ADAMDEC1: variants seen among roughly 807,000 people sequenced by gnomAD.
The protein encoded by ADAMDEC1 is ADAM DEC1.
In ADAMDEC1, 62 loss-of-function variants were observed where a neutral mutation model predicts 60.4. The ratio of observed to expected loss-of-function variants is 1.03; its 90% confidence interval spans 0.84 to 1.27. The LOEUF (loss-of-function observed/expected upper bound fraction) is 1.27. Ranked by LOEUF, ADAMDEC1 falls within the 50% of genes most tolerant of loss-of-function variation. ADAMDEC1 has a pLI of 0.00. For missense variants in ADAMDEC1, 595 were observed against 565.0 expected (o/e 1.05, Z -0.54); for synonymous variants, 210 against 195.1 (o/e 1.08, Z -0.64).
At chr8:24,401,891 A>G in intron 11 of ADAMDEC1, 24 bp from the exon 12 acceptor site, 1 of 1,580,168 alleles carries the variant, frequency 6.3e-7, no homozygotes, top group Non-Finnish European at 8.6e-7. Context: ...ATATCATATT[A>G]TTTGAGTTTT....
chr8:24,392,282 C>A lies in ADAMDEC1; in HGVS notation c.109C>A (p.Pro37Thr), dbSNP rs1235070822. ...QTQAIAIKQT[P>T]ELTLHEIVCP... is the part of the protein sequence containing the mutation. ...TCTAGCAATAGCCATAAAGCAAACA[C>A]CTGAATTAACGCTCCATGAAATAGT... Residue 37 changes from proline (P) to threonine (T), a missense_variant, in exon 2 of 14, where the codon CCT becomes ACT. Physicochemically the swap from Pro to Thr is conservative, Grantham distance 38. Coordinates refer to ENST00000256412, the MANE Select transcript of ADAMDEC1 (RefSeq NM_014479.3). 8 of 1,610,416 alleles carry A rather than the reference C, an allele frequency of 5.0e-6. No individual in the cohort carries two copies. The highest frequency in any genetic ancestry group is 6.8e-6 in the Non-Finnish European group (8 of 1,178,286).
rs1031723289 is a variant in ADAMDEC1, at chr8:24,395,629, C to A, written c.364-91C>A. 3.9e-5 allele frequency: 32 copies of A among 828,778 alleles called. No homozygotes were observed. The Admixed American group carries it at 7.4e-4, about 19-fold the overall frequency. 51.3% of individuals were successfully genotyped at this position (828,778 alleles called of 1,614,324 possible). On this transcript the variant is annotated intron_variant, in intron 4 of 13. Coordinates refer to ENST00000256412, the MANE Select transcript of ADAMDEC1 (RefSeq NM_014479.3). The stretch of plus-strand genomic sequence containing the variant: ...GGTAGCTTTCCTCACAACTGTGATA[C>A]ATGTATTCTCATAGTTTATACATTA...
In ADAMDEC1 at chr8:24,384,440, T is replaced by A; in HGVS notation, c.-65T>A. 7.4e-7 allele frequency: 1 copy of A among 1,350,654 alleles called. No homozygotes were observed. Among genetic ancestry groups the A allele is most frequent in the Non-Finnish European group, 1.0e-6 (1 of 996,656 alleles). 83.7% of individuals were successfully genotyped at this position (1,350,654 alleles called of 1,614,324 possible). A position where few individuals can be genotyped will look rare whatever the true frequency, so the allele number is the denominator to read the frequency against. The stretch of plus-strand genomic sequence containing the variant: ...ACACGAAAAGTGGGGGTTTTAATTT[T>A]CTTGTTCAACTTCTAAAGAGAAATT... On this transcript the variant is annotated 5_prime_UTR_variant, in exon 1 of 14. Coordinates refer to ENST00000256412, the MANE Select transcript of ADAMDEC1 (RefSeq NM_014479.3).
At chr8:24,388,720 TG>T (rs1336538684) in intron 1 of ADAMDEC1, among the ~76,000 whole-genome samples, 2 of 152,190 alleles carry the variant, frequency 1.3e-5, no homozygotes, top group African/African-American at 4.8e-5. Flanking sequence ...CCCATCTTTT[TG>T]CTTCCACACT....
chr8:24,400,071 C>T (rs1817721859), intron 10 of ADAMDEC1, 99 bp from the exon 11 acceptor site: 5 of 986,644 alleles, frequency 5.1e-6, no homozygotes, highest in South Asian at 2.4e-5. Flanking sequence ...AAGGAGCTAA[C>T]AATTCACTAG....
intron 11 of ADAMDEC1, 32 bp from the exon 12 acceptor site, chr8:24,401,883 A>G (rs760807502): frequency 2.6e-6 from 4 of 1,543,940 alleles, no homozygotes; most frequent in South Asian, 1.1e-5. Flanking sequence ...CACACTGTAT[A>G]TCATATTATT....
intron 1 of ADAMDEC1, among the ~76,000 whole-genome samples, chr8:24,386,547 T>TA (rs1462703220): frequency 2.0e-5 from 3 of 152,206 alleles, no homozygotes; most frequent in African/African-American, 7.2e-5. Flanking sequence ...CTTGTCCCTA[T>TA]ATGATCAGCC....
chr8:24,392,885 GGTTT>G (rs1246512116), intron 2 of ADAMDEC1, among the ~76,000 whole-genome samples: 27 of 85,982 alleles, frequency 3.1e-4, no homozygotes, highest in African/African-American at 7.9e-4. Flanking sequence ...TGGGTTGAGA[GGTTT>G]TTTTTTTTTT....
intron 1 of ADAMDEC1, among the ~76,000 whole-genome samples, chr8:24,391,908 G>A (rs1817453801): frequency 6.6e-6 from 1 of 152,014 alleles, no homozygotes; most frequent in South Asian, 2.1e-4. Context: ...AAGCAATAAG[G>A]AAATGGATTA....
intron 11 of ADAMDEC1, among the ~76,000 whole-genome samples, chr8:24,400,836 T>G (rs1451120184): frequency 7.4e-6 from 1 of 135,456 alleles, no homozygotes; most frequent in Non-Finnish European, 1.5e-5. Context: ...CCTTCCTGTG[T>G]CCAAGTGTTC....
At chr8:24,393,364 A>C in intron 3 of ADAMDEC1, 26 bp downstream of exon 3, 2 of 1,470,720 alleles carry the variant, frequency 1.4e-6, no homozygotes, top group African/African-American at 1.4e-5. Flanking sequence ...TAAAAGTCTA[A>C]TCACTGGATT....
chr8:24,400,350 T>C, intron 11 of ADAMDEC1, 50 bp downstream of exon 11: 1 of 1,547,950 alleles, frequency 6.5e-7, no homozygotes, highest in Non-Finnish European at 8.7e-7. Context: ...AAATCTTTTT[T>C]TTTTCTGAAG....
intron 4 of ADAMDEC1, among the ~76,000 whole-genome samples, chr8:24,395,496 A>C (rs1439179315): frequency 1.3e-5 from 2 of 152,152 alleles, no homozygotes; most frequent in Non-Finnish European, 2.9e-5. Context: ...AAATATAGAG[A>C]GTTTCCAGTG....
chr8:24,391,073 T>A (rs1817434299), intron 1 of ADAMDEC1, among the ~76,000 whole-genome samples: 1 of 152,204 alleles, frequency 6.6e-6, no homozygotes, highest in Non-Finnish European at 1.5e-5. Context: ...CATTTCTAGA[T>A]TTCCTGTTTT....
intron 1 of ADAMDEC1, chr8:24,390,144 G>T (rs762332820): frequency 1.3e-6 from 1 of 747,760 alleles, no homozygotes; most frequent in South Asian, 1.4e-5. Flanking sequence ...AACTGTGCGT[G>T]GCCTAAAGTC....
At chr8:24,397,615 C>G in intron 6 of ADAMDEC1, 68 bp from the exon 7 acceptor site, 1 of 1,521,750 alleles carries the variant, frequency 6.6e-7, no homozygotes, top group Non-Finnish European at 9.0e-7. Context: ...AAACAAGTCT[C>G]CTTTTAAGCT....
intron 1 of ADAMDEC1, among the ~76,000 whole-genome samples, chr8:24,388,195 G>C (rs779700711): frequency 1.3e-5 from 2 of 151,982 alleles, no homozygotes; most frequent in African/African-American, 4.8e-5. Flanking sequence ...ATTCTTCCCC[G>C]AGGCTCTGCA....
At chr8:24,390,308 C>A in intron 1 of ADAMDEC1, 1 of 608,822 alleles carries the variant, frequency 1.6e-6, no homozygotes, top group Non-Finnish European at 2.3e-6. Context: ...TTTGAGACAT[C>A]ATAGTTAAAA....
chr8:24,384,670 T>C, intron 1 of ADAMDEC1, 78 bp downstream of exon 1: 5 of 1,328,510 alleles, frequency 3.8e-6, no homozygotes, highest in Non-Finnish European at 5.2e-6. Flanking sequence ...TGAAAAAAAA[T>C]GGCATATGTT....
Sources: gnomAD v4.1 joint callset for allele counts (sites outside exome capture counted in the v4.1 genomes callset) on GRCh38, gnomAD v4.1.1 for gene constraint, MANE v1.5 for transcripts, NCBI Gene and HGNC (gene_info 2026-07-23, HGNC 2026-07-21) for gene names.